PDS5A: variants seen among roughly 807,000 people sequenced by gnomAD.
The protein encoded by PDS5A is sister chromatid cohesion protein PDS5 homolog A.
PDS5A carries 42 observed loss-of-function variants against 167.1 expected under a neutral mutation model. The observed-to-expected ratio is 0.25, with a 90% CI of 0.20 to 0.33. The LOEUF (loss-of-function observed/expected upper bound fraction) is 0.33, where lower values mean the gene tolerates loss of function less well. Among genes scored for constraint, PDS5A ranks in the 10% least tolerant of loss-of-function variants. PDS5A has a pLI of 1.00. For missense variants in PDS5A, 1,033 were observed against 1,605.9 expected (o/e 0.64, Z 6.10); for synonymous variants, 553 against 554.6 (o/e 1.00, Z 0.04).
chr4:39,868,649 T>C, intron 22 of PDS5A: 1 of 453,370 alleles, frequency 2.2e-6, no homozygotes, highest in Non-Finnish European at 4.4e-6. Flanking sequence ...ATTTTTAATA[T>C]TTTGTAGAGA....
At chr4:39,896,903 CTT>C (rs35055129) in intron 16 of PDS5A, among the ~76,000 whole-genome samples, 3 of 145,076 alleles carry the variant, frequency 2.1e-5, no homozygotes, top group Admixed American at 6.9e-5. Flanking sequence ...CCGTTATAAT[CTT>C]TTTTTTTTTT....
At chr4:39,880,525 T>C (rs922597165) in intron 17 of PDS5A, among the ~76,000 whole-genome samples, 8 of 152,178 alleles carry the variant, frequency 5.3e-5, no homozygotes, top group African/African-American at 1.9e-4. Flanking sequence ...TACCCTATTA[T>C]GAGAACATTC....
chr4:39,928,463 T>A (rs1305243708), intron 2 of PDS5A, among the ~76,000 whole-genome samples: 1 of 152,166 alleles, frequency 6.6e-6, no homozygotes, highest in Non-Finnish European at 1.5e-5. Flanking sequence ...CCCAGATAGT[T>A]CCTGGCCCCA....
At chr4:39,837,812 CAAA>C (rs750025332) in intron 32 of PDS5A, 41 bp downstream of exon 32, 1 of 1,451,944 alleles carries the variant, frequency 6.9e-7, no homozygotes, top group African/African-American at 1.4e-5. Flanking sequence ...ACGAATAAAA[CAAA>C]ATGTCTAAAT....
rs2109495610 is a variant in PDS5A at position 39,842,001 on chromosome 4, C to A, written c.3604G>T (p.Val1202Leu). ...TGVSENEENP[V>L]RIISVTPVKN... ...ACAGGTGTGACTGAAATAATCCTCA[C>A]AGGGTTCTCTTCATTTTCACTAACT... Residue 1202 changes from valine (V) to leucine (L), a missense_variant, in exon 31 of 33, where the codon GTG (valine) becomes TTG (leucine). By Grantham distance (32) the Val-to-Leu change is conservative (BLOSUM62 1). Coordinates refer to ENST00000303538, the MANE Select transcript of PDS5A (RefSeq NM_001100399.2). 1 of 1,610,622 alleles carries A rather than the reference C, an allele frequency of 6.2e-7. No individual in the cohort carries two copies. The highest frequency in any genetic ancestry group is 1.7e-5 in the Admixed American group (1 of 59,998).
intron 26 of PDS5A, among the ~76,000 whole-genome samples, chr4:39,856,092 C>T: frequency 6.6e-6 from 1 of 151,830 alleles, no homozygotes; most frequent in East Asian, 1.9e-4. Flanking sequence ...TGAAAGCAGC[C>T]AAGAAGGAAG....
At chr4:39,867,027 A>G (rs1719514663) in intron 22 of PDS5A, 30 bp from the exon 23 acceptor site, 1 of 1,540,548 alleles carries the variant, frequency 6.5e-7, no homozygotes, top group Non-Finnish European at 8.8e-7. Flanking sequence ...TAAAAAAAGA[A>G]AGCAACTTAA....
intron 2 of PDS5A, among the ~76,000 whole-genome samples, chr4:39,945,483 T>TAAAAAAAAAAAAAA (rs770327279): frequency 3.7e-5 from 5 of 135,914 alleles, no homozygotes; most frequent in Admixed American, 1.4e-4. Flanking sequence ...AAAAAAAAAT[T>TAAAAAAAAAAAAAA]AAATGCAGGC....
intron 2 of PDS5A, among the ~76,000 whole-genome samples, chr4:39,959,946 G>A (rs1729319214): frequency 6.6e-6 from 1 of 152,002 alleles, no homozygotes; most frequent in South Asian, 2.1e-4. Flanking sequence ...ACAAAAATTA[G>A]GTGGGCATGG....
rs1310135728 is a variant in PDS5A, at chr4:39,945,126, T to C, written c.139-16962A>G. On this transcript the variant is annotated intron_variant, in intron 2 of 32. Coordinates refer to ENST00000303538, the MANE Select transcript of PDS5A (RefSeq NM_001100399.2). ...ATTATTAATACCCCCGTTTAACAGA[T>C]GAGGAAACAGGCCAAATAAGTTGTC... 2.0e-5 allele frequency among the ~76,000 whole-genome samples: 3 copies of C among 152,014 alleles called. 1 individual carries two copies. Among genetic ancestry groups the C allele is most frequent in the Non-Finnish European group, 4.4e-5 (3 of 68,004 alleles).
In PDS5A at chr4:39,904,141, T is replaced by C; in HGVS notation, c.1284A>G (p.Lys428=). 6.2e-7 allele frequency: 1 copy of C among 1,612,816 alleles called. No individual in the cohort carries two copies. The part of the protein sequence containing the change: ...AMMGLAQLYK[K]YCLHGEAGKE... ...TTCCTGCTTCACCATGAAGACAGTA[T>C]TTCTTATAAAGCTGAGCCAGACCCA... Residue 428 remains lysine, a synonymous_variant, in exon 12 of 33, where the codon AAA becomes AAG. Coordinates refer to ENST00000303538, the MANE Select transcript of PDS5A (RefSeq NM_001100399.2).
At chr4:39,973,663 C>G in intron 2 of PDS5A, 4 of 1,297,576 alleles carry the variant, frequency 3.1e-6, no homozygotes, top group Non-Finnish European at 4.5e-6. Context: ...GGCCACAAAA[C>G]CATCGTATGT....
chr4:39,875,365 TCA>T (rs1160856291), intron 19 of PDS5A, among the ~76,000 whole-genome samples: 1 of 152,166 alleles, frequency 6.6e-6, no homozygotes, highest in Non-Finnish European at 1.5e-5. Flanking sequence ...TTTTCTAGTT[TCA>T]GTTTGCTACA....
chr4:39,909,491 C>G (rs986376413), intron 10 of PDS5A, among the ~76,000 whole-genome samples: 6 of 152,132 alleles, frequency 3.9e-5, no homozygotes, highest in African/African-American at 1.4e-4. Context: ...AGTATCTGAT[C>G]TATGTCAGCT....
intron 2 of PDS5A, chr4:39,976,100 A>G (rs1731056167): frequency 1.2e-5 from 2 of 166,346 alleles, no homozygotes; most frequent in Non-Finnish European, 2.6e-5. Context: ...GAAGCTGAAA[A>G]TAGTAAACTT....
chr4:39,894,642 A>G (rs1053313981), intron 16 of PDS5A, among the ~76,000 whole-genome samples: 3 of 152,170 alleles, frequency 2.0e-5, no homozygotes, highest in African/African-American at 7.2e-5. Context: ...ACCTCTCCAC[A>G]TATACATCTA....
chr4:39,947,465 G>C (rs550292615), intron 2 of PDS5A, among the ~76,000 whole-genome samples: 2 of 152,080 alleles, frequency 1.3e-5, no homozygotes, highest in Non-Finnish European at 2.9e-5. Flanking sequence ...AAAAAAAAGA[G>C]AGAGGAAACA....
At chr4:39,940,114 C>T (rs1477714988) in intron 2 of PDS5A, among the ~76,000 whole-genome samples, 3 of 151,582 alleles carry the variant, frequency 2.0e-5, no homozygotes, top group Non-Finnish European at 4.4e-5. Flanking sequence ...AAAATTTAGC[C>T]GGGCGTGGTG....
At chr4:39,952,007 G>A (rs1189139272) in intron 2 of PDS5A, among the ~76,000 whole-genome samples, 1 of 151,656 alleles carries the variant, frequency 6.6e-6, no homozygotes, top group African/African-American at 2.4e-5. Flanking sequence ...AAGATCACAA[G>A]GGTCAAACTA....
Sources: gnomAD v4.1 joint callset for allele counts (sites outside exome capture counted in the v4.1 genomes callset) on GRCh38, gnomAD v4.1.1 for gene constraint, MANE v1.5 for transcripts, NCBI Gene and HGNC (gene_info 2026-07-23, HGNC 2026-07-21) for gene names.